Variants in SDC4 observed in about 807,000 individuals in gnomAD.
The protein encoded by SDC4 is syndecan-4.
A neutral mutation model predicts 20.5 loss-of-function variants in SDC4; 17 were observed. The observed-to-expected ratio is 0.83, with a 90% confidence interval of 0.57 to 1.25. The LOEUF (loss-of-function observed/expected upper bound fraction) is 1.25, where lower values mean the gene tolerates loss of function less well. Ranked by LOEUF, SDC4 falls within the 50% of genes most tolerant of loss-of-function variation. The pLI, the probability that SDC4 is intolerant of heterozygous loss-of-function variation, is 0.00. For synonymous variants in SDC4, 107 were observed against 105.3 expected, an observed-to-expected ratio of 1.02 and a Z score of -0.10; for missense variants, 241 against 252.3, an observed-to-expected ratio of 0.96 and a Z score of 0.30.
Position 45,348,407 on chromosome 20 carries a change from G to A in SDC4, c.-23C>T, listed in dbSNP as rs1441517569. Reference sequence around the variant, plus strand: ...CATGGCACCGCGGACTGGAGAAGGCGCGCAGGCTGCGGCGAGTGGCCCCGG... The same window carrying A: ...CATGGCACCGCGGACTGGAGAAGGCACGCAGGCTGCGGCGAGTGGCCCCGG... On this transcript the variant is annotated 5_prime_UTR_variant, in exon 1 of 5. Coordinates refer to ENST00000372733, the MANE Select transcript of SDC4 (RefSeq NM_002999.4). 1.3e-6 allele frequency: 2 copies of A among 1,535,254 alleles called. No individual in the cohort carries two copies. The highest frequency in any genetic ancestry group is 8.7e-7 in the Non-Finnish European group (1 of 1,144,002).
intron 4 of SDC4, among the ~76,000 whole-genome samples, chr20:45,329,170 T>C (rs1987739499): frequency 6.6e-6 from 1 of 152,212 alleles, no homozygotes; most frequent in South Asian, 2.1e-4. Flanking sequence ...GAATGGGGGA[T>C]TCCACCACAC....
At chr20:45,338,607 T>G in intron 1 of SDC4, among the ~76,000 whole-genome samples, 1 of 152,198 alleles carries the variant, frequency 6.6e-6, no homozygotes, top group East Asian at 1.9e-4. Context: ...GCATGCCCAC[T>G]GGCTGTTAGG....
intron 1 of SDC4, among the ~76,000 whole-genome samples, chr20:45,346,787 C>G (rs1453158036): frequency 2.0e-5 from 3 of 152,180 alleles, no homozygotes; most frequent in Admixed American, 6.5e-5. Flanking sequence ...TTCCTTCCAC[C>G]TCAGAATTCC....
Position 45,341,922 on chromosome 20 carries a change from C to A in SDC4, c.61-6002G>T, listed in dbSNP as rs1341425549. ...TCGTGGACAATTCCCTTCTCTGAGCCTCAGTTTTCCAATCTGTAAAAGACA... is the reference window on the plus strand; with the variant it reads ...TCGTGGACAATTCCCTTCTCTGAGCATCAGTTTTCCAATCTGTAAAAGACA... On this transcript the variant is annotated intron_variant, in intron 1 of 4. Transcript: ENST00000372733. Among the ~76,000 whole-genome samples, 5 of 152,156 alleles carry A rather than the reference C, an allele frequency of 3.3e-5. No individual in the cohort carries two copies. The East Asian group carries it at 9.6e-4, about 29-fold the overall frequency.
rs559946067 is a variant in SDC4, at chr20:45,332,905, G to T, written c.246+118C>A. 23 of 943,522 alleles carry T rather than the reference G, an allele frequency of 2.4e-5. No homozygotes were observed. In the Admixed American group the frequency reaches 4.7e-4, roughly 19 times the overall value. 58.4% of individuals were successfully genotyped at this position (943,522 alleles called of 1,614,324 possible). A position where few individuals can be genotyped will look rare whatever the true frequency, so the allele number is the denominator to read the frequency against. ...GGCCAGATTTTTAAAAAGCCTTCCC[G>T]CATAGTGGGGTAAGACCCCTCACTT... On this transcript the variant is annotated intron_variant, in intron 3 of 4. Coordinates refer to ENST00000372733, the MANE Select transcript of SDC4 (RefSeq NM_002999.4).
chr20:45,331,499 C>T (rs1353881610), intron 3 of SDC4, among the ~76,000 whole-genome samples: 2 of 152,064 alleles, frequency 1.3e-5, no homozygotes, highest in South Asian at 2.1e-4. Flanking sequence ...CCTGCTGGGC[C>T]GCATTCCCAG....
At chr20:45,340,127 C>T (rs1987933844) in intron 1 of SDC4, among the ~76,000 whole-genome samples, 1 of 152,246 alleles carries the variant, frequency 6.6e-6, no homozygotes, top group South Asian at 2.1e-4. Context: ...AGTTATACTC[C>T]CCATCTAGTC....
chr20:45,335,095 A>C (rs6104122), intron 2 of SDC4, among the ~76,000 whole-genome samples: 109,308 of 145,476 alleles, frequency 0.75, 41,193 homozygotes, highest in East Asian at 0.95. Flanking sequence ...CCCCCACTGA[A>C]GCAGGGACTT....
intron 1 of SDC4, among the ~76,000 whole-genome samples, chr20:45,346,286 C>G (rs570461106): frequency 2.0e-5 from 3 of 152,174 alleles, no homozygotes; most frequent in Non-Finnish European, 4.4e-5. Context: ...AAGGGGAAGC[C>G]CTGTGCCCCA....
At chr20:45,336,842 C>T (rs1987877901) in intron 1 of SDC4, among the ~76,000 whole-genome samples, 1 of 152,148 alleles carries the variant, frequency 6.6e-6, no homozygotes, top group Non-Finnish European at 1.5e-5. Flanking sequence ...CTGCCCAGAC[C>T]TGATGACTCA....
At chr20:45,332,064 G>A (rs1310054137) in intron 3 of SDC4, among the ~76,000 whole-genome samples, 2 of 152,010 alleles carry the variant, frequency 1.3e-5, no homozygotes, top group Non-Finnish European at 2.9e-5. Flanking sequence ...AAACTATTAC[G>A]CAGCCTATAA....
intron 1 of SDC4, among the ~76,000 whole-genome samples, chr20:45,344,729 A>C (rs904217856): frequency 1.3e-5 from 2 of 152,146 alleles, no homozygotes; most frequent in Non-Finnish European, 2.9e-5. Context: ...TAGACTCTTC[A>C]CCAAGGAGGC....
At position 45,325,536 on chromosome 20, in the gene SDC4, G is replaced by A; in HGVS notation, c.*1728C>T. 6.6e-6 allele frequency: 1 copy of A among 152,632 alleles called. No individual in the cohort carries two copies. Among genetic ancestry groups the A allele is most frequent in the Non-Finnish European group, 1.5e-5 (1 of 68,012 alleles). The allele number at this position is 152,632 out of a possible 1,614,324, so 9.5% of individuals were successfully genotyped here. On this transcript the variant is annotated 3_prime_UTR_variant, in exon 5 of 5. Coordinates refer to ENST00000372733, the MANE Select transcript of SDC4 (RefSeq NM_002999.4). ...CTGGGGTCAGGAGGAGACACGACCT[G>A]CCCAGGCTAAGCCACCAGGCCTCCC...
chr20:45,329,283 G>A (rs1261473804), intron 4 of SDC4, among the ~76,000 whole-genome samples: 2 of 152,180 alleles, frequency 1.3e-5, no homozygotes, highest in Non-Finnish European at 2.9e-5. Context: ...TTACTATGTG[G>A]CCTAAAGCCT....
chr20:45,347,090 G>GC (rs796715999), intron 1 of SDC4, among the ~76,000 whole-genome samples: 33 of 152,190 alleles, frequency 2.2e-4, no homozygotes, highest in East Asian at 3.9e-4. Flanking sequence ...GCAATGTCTG[G>GC]CCCCCCGACA....
Position 45,326,298 on chromosome 20 carries a change from T to C in SDC4, c.*966A>G, listed in dbSNP as rs1207777024. On this transcript the variant is annotated 3_prime_UTR_variant, in exon 5 of 5. Coordinates refer to ENST00000372733, the MANE Select transcript of SDC4 (RefSeq NM_002999.4). ...GCCATGAGGAGCGGGGTTTAAAGTA[T>C]AAAAAAAAAACTGGGGAAGGGGTTT... is the stretch of plus-strand genomic sequence containing the variant. The C allele has an allele frequency of 8.7e-6, 1 of 115,130 alleles. No homozygotes were observed. Among genetic ancestry groups the C allele is most frequent in the Non-Finnish European group, 1.9e-5 (1 of 52,704 alleles). 7.1% of individuals were successfully genotyped at this position (115,130 alleles called of 1,614,324 possible). A position where few individuals can be genotyped will look rare whatever the true frequency, so the allele number is the denominator to read the frequency against.
chr20:45,348,379 G>T lies in SDC4; in HGVS notation c.6C>A (p.Ala2=). Residue 2 remains alanine (A), a synonymous_variant, in exon 1 of 5, where the codon GCC becomes GCA. Transcript: ENST00000372733. ...GCAGCAGCGCGAACAGACGGGCGGG[G>T]GCCATGGCACCGCGGACTGGAGAAG... The part of the protein sequence containing the change: M[A]PARLFALLLF... 1.3e-6 allele frequency: 2 copies of T among 1,581,684 alleles called. No homozygotes were observed. Among genetic ancestry groups the T allele is most frequent in the Non-Finnish European group, 1.7e-6 (2 of 1,166,054 alleles).
At chr20:45,330,302 G>T (rs1987756117) in intron 4 of SDC4, 64 bp downstream of exon 4, 13 of 1,463,908 alleles carry the variant, frequency 8.9e-6, no homozygotes, top group Non-Finnish European at 1.2e-5. Flanking sequence ...CTGCCTGCAG[G>T]TGCTCTCCCC....
At chr20:45,338,264 C>T (rs1646583178) in intron 1 of SDC4, among the ~76,000 whole-genome samples, 1 of 152,228 alleles carries the variant, frequency 6.6e-6, no homozygotes, top group African/African-American at 2.4e-5. Context: ...CCAGGCTTCA[C>T]TGACCTGGAC....
Sources: gnomAD v4.1 joint callset for allele counts (sites outside exome capture counted in the v4.1 genomes callset) on GRCh38, gnomAD v4.1.1 for gene constraint, MANE v1.5 for transcripts, NCBI Gene and HGNC (gene_info 2026-07-23, HGNC 2026-07-21) for gene names.